IL34: variants seen among roughly 807,000 people sequenced by gnomAD.
IL34 encodes the protein interleukin 34.
In IL34, 17 loss-of-function variants were observed where a neutral mutation model predicts 25.3. The observed-to-expected ratio is 0.67, with a 90% CI of 0.46 to 1.01. The LOEUF is 1.01. IL34 is among the 50% of genes least tolerant of loss of function. The pLI is 0.00. For synonymous variants in IL34, 174 were observed against 140.9 expected (o/e 1.23, Z -1.66); for missense variants, 368 against 312.9 (o/e 1.18, Z -1.33).
At chr16:70,590,748 G>A (rs1329544037) in intron 1 of IL34, among the ~76,000 whole-genome samples, 3 of 152,172 alleles carry the variant, frequency 2.0e-5, no homozygotes, top group Non-Finnish European at 4.4e-5. Flanking sequence ...AGCAGCTGGC[G>A]TTGCTGGGAT....
At chr16:70,625,596 G>A (rs562202679) in intron 1 of IL34, among the ~76,000 whole-genome samples, 146 of 152,222 alleles carry the variant, frequency 9.6e-4, no homozygotes, top group South Asian at 3.5e-3. Flanking sequence ...GCATCCCTGC[G>A]TGGTCTGACA....
intron 1 of IL34, among the ~76,000 whole-genome samples, chr16:70,610,728 C>A (rs2051077874): frequency 6.6e-6 from 1 of 152,152 alleles, no homozygotes; most frequent in Admixed American, 6.5e-5. Flanking sequence ...GGGGAGAAAT[C>A]TCTTGTGGAA....
At chr16:70,610,165 C>A (rs556532089) in intron 1 of IL34, among the ~76,000 whole-genome samples, 1 of 151,550 alleles carries the variant, frequency 6.6e-6, no homozygotes, top group Non-Finnish European at 1.5e-5. Flanking sequence ...TTGCGCCACT[C>A]CACTCCAGCC....
At position 70,639,025 on chromosome 16, in the gene IL34, G is replaced by A. The variant is rs544667900; in HGVS notation, c.-400-7523G>A. ...TTAGTTAGGAAATGCTGACTAAGGC[G>A]TTGCCCTGTTTTGGTGATTCTGTGG... On this transcript the variant is annotated intron_variant, in intron 1 of 6. Coordinates refer to the IL34 transcript ENST00000429149. 5.9e-5 allele frequency among the ~76,000 whole-genome samples: 9 copies of A among 152,330 alleles called. No homozygotes were observed. In the South Asian group the frequency reaches 1.4e-3, roughly 25 times the overall value.
chr16:70,632,765 A>G (rs11859067), intron 1 of IL34, among the ~76,000 whole-genome samples: 39,325 of 152,014 alleles, frequency 0.26, 8,801 homozygotes, highest in African/African-American at 0.61. Flanking sequence ...GATCTGTCTG[A>G]TCAGTGGCCA....
intron 1 of IL34, among the ~76,000 whole-genome samples, chr16:70,638,840 C>T (rs182521805): frequency 7.4e-4 from 112 of 152,202 alleles, no homozygotes; most frequent in African/African-American, 2.3e-3. Context: ...CCTCAGCCTC[C>T]GAAAATGCTG....
chr16:70,620,501 A>G lies in IL34; in HGVS notation c.-400-26047A>G, dbSNP rs529368085. Among the ~76,000 whole-genome samples the G allele has an allele frequency of 4.0e-3, 607 of 151,992 alleles. 2 individuals are homozygous for G. The highest frequency in any genetic ancestry group is 6.1e-3 in the Non-Finnish European group (414 of 67,996). On this transcript the variant is annotated intron_variant, in intron 1 of 6. Transcript: ENST00000429149. ...CTGAGGAAGAATTGGGACCTAGCTC[A>G]GCCTGGCGAGGAGGGGAGAGGTCAG...
intron 4 of IL34, 67 bp downstream of exon 4, chr16:70,657,188 G>A: frequency 6.5e-7 from 1 of 1,530,172 alleles, no homozygotes; most frequent in South Asian, 1.2e-5. Context: ...TGTGTGTGAG[G>A]TGTGGCCAAA....
intron 1 of IL34, among the ~76,000 whole-genome samples, chr16:70,651,521 C>T (rs2052077825): frequency 6.6e-6 from 1 of 152,114 alleles, no homozygotes; most frequent in African/African-American, 2.4e-5. Context: ...AGGCTCTGAG[C>T]TGAGCAAGGG....
intron 1 of IL34, among the ~76,000 whole-genome samples, chr16:70,588,506 A>G (rs1034267829): frequency 6.6e-6 from 1 of 152,218 alleles, no homozygotes; most frequent in Admixed American, 6.5e-5. Context: ...AAAAAAAAAA[A>G]ACATTAAAAA....
intron 1 of IL34, among the ~76,000 whole-genome samples, chr16:70,652,783 GC>G (rs2052112781): frequency 6.6e-6 from 1 of 152,136 alleles, no homozygotes. Flanking sequence ...CATTTTTAAG[GC>G]TTAGTGGTTT....
In IL34 at chr16:70,594,955, C is replaced by T. The variant is rs112477025; in HGVS notation, c.-401+14906C>T. 3.9e-3 allele frequency among the ~76,000 whole-genome samples: 484 copies of T among 124,874 alleles called. 2 individuals are homozygous for T. The highest frequency in any genetic ancestry group is 0.019 in the African/African-American group (441 of 23,184). The allele number at this position is 124,874 out of a possible 152,430, so 81.9% of individuals were successfully genotyped here. A position where few individuals can be genotyped will look rare whatever the true frequency, so the allele number is the denominator to read the frequency against. On this transcript the variant is annotated intron_variant, in intron 1 of 6. Coordinates refer to the IL34 transcript ENST00000429149. ...AATTTATCTCTCTCTCTCTCTCTCT[C>T]TTTTTTTTTTTTTTTCTGAGACAGA...
At chr16:70,632,283 C>T (rs555231185) in intron 1 of IL34, among the ~76,000 whole-genome samples, 1 of 152,278 alleles carries the variant, frequency 6.6e-6, no homozygotes, top group African/African-American at 2.4e-5. Context: ...GCGGCCATTT[C>T]TGACCTTCGC....
intron 1 of IL34, among the ~76,000 whole-genome samples, chr16:70,584,783 C>T (rs1422555036): frequency 6.6e-6 from 1 of 152,114 alleles, no homozygotes; most frequent in African/African-American, 2.4e-5. Context: ...TCACTGCAAC[C>T]TCTGCCTCTT....
At position 70,646,729 on chromosome 16, in the gene IL34, G is replaced by A. The variant is rs573144744; in HGVS notation, c.-219G>A. ...GGCTGCCATGGGACTTGCGGCCACC[G>A]CCCCCCGGCTGTCCTCCACGCTGCC... On this transcript the variant is annotated 5_prime_UTR_variant, in exon 1 of 6. Transcript: ENST00000288098. The A allele has an allele frequency of 2.3e-4, 111 of 484,992 alleles. No homozygotes were observed. The highest frequency in any genetic ancestry group is 1.7e-3 in the African/African-American group (85 of 49,198). 30.0% of individuals were successfully genotyped at this position (484,992 alleles called of 1,614,324 possible).
chr16:70,640,515 T>C lies in IL34; in HGVS notation c.-400-6033T>C, dbSNP rs1028230386. 4.6e-5 allele frequency among the ~76,000 whole-genome samples: 7 copies of C among 151,872 alleles called. 1 individual carries two copies. The highest frequency in any genetic ancestry group is 1.7e-4 in the African/African-American group (7 of 41,396). ...GGTGCATGCCTGTAATCCCAGCTACTTGGGACGCTGAGGCAGGAGAATCTC... is the reference window on the plus strand; with the variant it reads ...GGTGCATGCCTGTAATCCCAGCTACCTGGGACGCTGAGGCAGGAGAATCTC... On this transcript the variant is annotated intron_variant, in intron 1 of 6. Coordinates refer to the IL34 transcript ENST00000429149.
chr16:70,585,994 C>T (rs375011029), intron 1 of IL34, among the ~76,000 whole-genome samples: 111 of 151,576 alleles, frequency 7.3e-4, no homozygotes, highest in Admixed American at 7.9e-4. Context: ...CCACCATGCC[C>T]GGCTAATTTT....
intron 1 of IL34, among the ~76,000 whole-genome samples, chr16:70,623,174 C>A (rs891101431): frequency 1.3e-5 from 2 of 151,948 alleles, no homozygotes; most frequent in Non-Finnish European, 2.9e-5. Flanking sequence ...AGCAGTACAG[C>A]CCAGGTAATT....
intron 1 of IL34, among the ~76,000 whole-genome samples, chr16:70,611,708 G>A (rs1377831731): frequency 2.0e-5 from 3 of 152,112 alleles, no homozygotes; most frequent in Non-Finnish European, 4.4e-5. Flanking sequence ...GCTGGGCATG[G>A]TGGCAGGCAC....
Sources: gnomAD v4.1 joint callset for allele counts (sites outside exome capture counted in the v4.1 genomes callset) on GRCh38, gnomAD v4.1.1 for gene constraint, MANE v1.5 for transcripts, NCBI Gene and HGNC (gene_info 2026-07-23, HGNC 2026-07-21) for gene names.